The following DLG2 variants were observed in gnomAD, a reference collection of about 807,000 sequenced individuals.
The protein encoded by DLG2 is discs large MAGUK scaffold protein 2.
A neutral mutation model predicts 132.5 loss-of-function variants in DLG2; 45 were observed. That is an observed-to-expected ratio of 0.34 (90% CI 0.27 to 0.44). DLG2 has a LOEUF of 0.44. DLG2 is among the 20% of genes least tolerant of loss of function. The pLI is 1.00. For synonymous variants in DLG2, 424 were observed against 419.6 expected, an observed-to-expected ratio of 1.01 and a Z score of -0.13; for missense variants, 1,045 against 1,196.9, an observed-to-expected ratio of 0.87 and a Z score of 1.87.
chr11:84,610,303 T>C (rs1386621997), intron 6 of DLG2, among the ~76,000 whole-genome samples: 2 of 152,122 alleles, frequency 1.3e-5, no homozygotes, highest in African/African-American at 4.8e-5. Context: ...GTAGTGAGCA[T>C]ATATTACTTT....
intron 6 of DLG2, chr11:84,720,344 G>T (rs2061668470): frequency 1.0e-6 from 1 of 985,342 alleles, no homozygotes; most frequent in Admixed American, 6.1e-5. Flanking sequence ...AAGCAACTTT[G>T]CAGTGGCAAA....
chr11:84,710,080 A>G (rs944852847), intron 6 of DLG2, among the ~76,000 whole-genome samples: 3 of 151,936 alleles, frequency 2.0e-5, no homozygotes, highest in African/African-American at 7.2e-5. Flanking sequence ...TCACATAGCA[A>G]TTAATAACTT....
intron 7 of DLG2, among the ~76,000 whole-genome samples, chr11:84,353,139 T>G (rs1559856): frequency 0.22 from 33,635 of 152,082 alleles, 5,440 homozygotes; most frequent in African/African-American, 0.45. Flanking sequence ...CTCTACTCTC[T>G]CCATTTTATC....
chr11:84,398,670 TAAATAAACCA>T (rs2098819201), intron 7 of DLG2, among the ~76,000 whole-genome samples: 1 of 152,100 alleles, frequency 6.6e-6, no homozygotes, highest in Non-Finnish European at 1.5e-5. Flanking sequence ...ACAGCAAAGG[TAAATAAACCA>T]AAATAAACCA....
At chr11:85,316,230 T>A (rs1365626385) in intron 3 of DLG2, among the ~76,000 whole-genome samples, 2 of 152,010 alleles carry the variant, frequency 1.3e-5, no homozygotes, top group Non-Finnish European at 2.9e-5. Context: ...AACTTTGTTC[T>A]AAAATGACTA....
intron 6 of DLG2, among the ~76,000 whole-genome samples, chr11:84,948,986 G>C (rs1379818859): frequency 6.6e-6 from 1 of 152,194 alleles, no homozygotes; most frequent in Admixed American, 6.5e-5. Context: ...GAAAAGATCA[G>C]TTTAGGAGGG....
At chr11:83,556,248 A>G (rs1233540464) in intron 19 of DLG2, among the ~76,000 whole-genome samples, 2 of 152,232 alleles carry the variant, frequency 1.3e-5, no homozygotes, top group African/African-American at 4.8e-5. Context: ...AGTCAATAGC[A>G]CATCCAGCGA....
chr11:84,356,027 C>T (rs575113027), intron 7 of DLG2, among the ~76,000 whole-genome samples: 1 of 152,170 alleles, frequency 6.6e-6, no homozygotes, highest in South Asian at 2.1e-4. Context: ...TAAGGGAGCA[C>T]TGAGAACCTG....
At chr11:84,754,786 C>T (rs1035640147) in intron 6 of DLG2, among the ~76,000 whole-genome samples, 2 of 152,106 alleles carry the variant, frequency 1.3e-5, no homozygotes, top group Non-Finnish European at 2.9e-5. Flanking sequence ...GAACCATGGA[C>T]TTAGGTGATT....
At chr11:84,099,739 GTA>G (rs567639048) in intron 9 of DLG2, among the ~76,000 whole-genome samples, 5 of 145,244 alleles carry the variant, frequency 3.4e-5, no homozygotes, top group African/African-American at 7.6e-5. Flanking sequence ...CTGTGGGTGT[GTA>G]TATATATATA....
At chr11:84,649,284 G>A (rs1354550557) in intron 6 of DLG2, among the ~76,000 whole-genome samples, 1 of 152,164 alleles carries the variant, frequency 6.6e-6, no homozygotes, top group Non-Finnish European at 1.5e-5. Flanking sequence ...TCTTTATAGA[G>A]TGTCACCATG....
At chr11:84,133,655 C>A (rs2094500780) in intron 9 of DLG2, among the ~76,000 whole-genome samples, 1 of 151,884 alleles carries the variant, frequency 6.6e-6, no homozygotes, top group African/African-American at 2.4e-5. Flanking sequence ...ACTTCTTCTT[C>A]TTCTAAATAG....
At chr11:83,551,342 T>C (rs1167044867) in intron 19 of DLG2, among the ~76,000 whole-genome samples, 1 of 152,154 alleles carries the variant, frequency 6.6e-6, no homozygotes, top group Non-Finnish European at 1.5e-5. Context: ...TAGCACTCTT[T>C]TAAGTGTTTA....
intron 18 of DLG2, among the ~76,000 whole-genome samples, chr11:83,644,794 C>G (rs1427597685): frequency 6.6e-6 from 1 of 151,930 alleles, no homozygotes; most frequent in Admixed American, 6.6e-5. Flanking sequence ...GGCAAAGGAT[C>G]TATGAGAAAG....
intron 7 of DLG2, among the ~76,000 whole-genome samples, chr11:84,515,339 A>G (rs1376647479): frequency 1.3e-5 from 2 of 151,178 alleles, no homozygotes; most frequent in East Asian, 3.9e-4. Context: ...CAGCCTACGA[A>G]ACCCCACTTT....
At chr11:83,794,436 G>GTT (rs1566986420) in intron 17 of DLG2, among the ~76,000 whole-genome samples, 3 of 90,002 alleles carry the variant, frequency 3.3e-5, no homozygotes, top group African/African-American at 1.5e-4. Flanking sequence ...ATTTACTATT[G>GTT]GTTTTTTTTT....
chr11:84,967,808 C>T (rs1173499973), intron 6 of DLG2, among the ~76,000 whole-genome samples: 2 of 152,020 alleles, frequency 1.3e-5, no homozygotes, highest in Non-Finnish European at 2.9e-5. Context: ...ACAATGAGTA[C>T]ATTTTTGCAA....
intron 6 of DLG2, among the ~76,000 whole-genome samples, chr11:85,049,200 T>C (rs912636692): frequency 8.6e-5 from 13 of 152,010 alleles, no homozygotes; most frequent in Admixed American, 8.5e-4. Context: ...ATCCATCCTA[T>C]AGTGAGTTAA....
rs1212262307 is a variant in DLG2, at chr11:83,532,926, T to C, written c.2118-143A>G. 3.1e-5 allele frequency: 22 copies of C among 703,770 alleles called. No homozygotes were observed. The Middle Eastern group carries it at 1.2e-3, about 40-fold the overall frequency. The allele number at this position is 703,770 out of a possible 1,614,324, so 43.6% of individuals were successfully genotyped here. A position where few individuals can be genotyped will look rare whatever the true frequency, so the allele number is the denominator to read the frequency against. On this transcript the variant is annotated intron_variant, in intron 20 of 27. Transcript: ENST00000376104. ...AAAATATTTCTCTTCCTTTGTTCCA[T>C]ATAAAAAATCTTGGTACAAAGTCTC... is the stretch of plus-strand genomic sequence containing the variant.
Sources: gnomAD v4.1 joint callset for allele counts (sites outside exome capture counted in the v4.1 genomes callset) on GRCh38, gnomAD v4.1.1 for gene constraint, MANE v1.5 for transcripts, NCBI Gene and HGNC (gene_info 2026-07-23, HGNC 2026-07-21) for gene names.